The following PLCXD1 variants were observed in gnomAD, a reference collection of about 807,000 sequenced individuals.
PLCXD1 encodes the protein PI-PLC X domain-containing protein 1.
A neutral mutation model predicts 37.8 loss-of-function variants in PLCXD1; 45 were observed. That is an observed-to-expected ratio of 1.19 (90% CI 0.94 to 1.53). The LOEUF (loss-of-function observed/expected upper bound fraction) is 1.53, where lower values mean the gene tolerates loss of function less well. Ranked by LOEUF, PLCXD1 falls within the 40% of genes most tolerant of loss-of-function variation. The pLI, the probability that PLCXD1 is intolerant of heterozygous loss-of-function variation, is 0.00. For missense variants in PLCXD1, 539 were observed against 454.7 expected (o/e 1.19, Z -1.69); for synonymous variants, 246 against 206.9 (o/e 1.19, Z -1.62).
At position 295,652 on chromosome X, in the gene PLCXD1, G is replaced by A. The variant is rs1487481545; in HGVS notation, c.733+2434G>A. 4.7e-5 allele frequency among the ~76,000 whole-genome samples: 7 copies of A among 149,912 alleles called. No homozygotes were observed. In the East Asian group the frequency reaches 1.4e-3, roughly 30 times the overall value. ...CCATTCTCCTGCCTCAGCCTCCTGA[G>A]TAGCTGGGACTACAGGCGCCCGCCA... is the stretch of plus-strand genomic sequence containing the variant. On this transcript the variant is annotated intron_variant, in intron 6 of 6. Coordinates refer to ENST00000381657, the MANE Select transcript of PLCXD1 (RefSeq NM_018390.4).
intron 6 of PLCXD1, among the ~76,000 whole-genome samples, chrX:293,674 G>A (rs866077648): frequency 1.4e-4 from 21 of 152,178 alleles, no homozygotes; most frequent in East Asian, 3.8e-4. Flanking sequence ...CCATCCACGC[G>A]GTGGAATATT....
Position 299,250 on chromosome X carries a change from C to T in PLCXD1, c.887C>T (p.Thr296Ile). The T allele has an allele frequency of 6.2e-7, 1 of 1,613,924 alleles. No individual in the cohort carries two copies. ...TGCCCGGGGCCGGGTTCACGGTGCA[C>T]CAACATCATCGCGGGGGACTTCATC... ...EQCPGPGSRC[T>I]NIIAGDFIGA... The change falls in exon 7 of 7, where the codon ACC becomes ATC. Residue 296 changes from threonine (T) to isoleucine (I), a missense_variant. Transcript: ENST00000381657.
chrX:279,913 G>A (rs1436550459), upstream of PLCXD1, among the ~76,000 whole-genome samples: 2 of 152,016 alleles, frequency 1.3e-5, no homozygotes, highest in Non-Finnish European at 2.9e-5. Context: ...GCAATGGCGC[G>A]ATCTCGGCTC....
In PLCXD1 at chrX:282,401, AC is replaced by A. The variant is rs1425217007; in HGVS notation, c.-22+718del. On this transcript the variant is annotated intron_variant, in intron 1 of 6. Transcript: ENST00000381657. ...CTGTCTTTAAAAAAAACAAAACAAAACAAAAAAAAAACCGTACATACAGCTG... is the reference window on the plus strand; with the variant it reads ...CTGTCTTTAAAAAAAACAAAACAAAAAAAAAAAAAACCGTACATACAGCTG... Among the ~76,000 whole-genome samples, 28 of 103,510 alleles carry A rather than the reference AC, an allele frequency of 2.7e-4. 1 individual carries two copies. The highest frequency in any genetic ancestry group is 1.6e-3 in the South Asian group (6 of 3,778). The allele number at this position is 103,510 out of a possible 152,430, so 67.9% of individuals were successfully genotyped here.
intron 6 of PLCXD1, among the ~76,000 whole-genome samples, chrX:295,578 G>T (rs2069778870): frequency 6.6e-6 from 1 of 151,144 alleles, no homozygotes; most frequent in East Asian, 2.0e-4. Flanking sequence ...CGGTCGGAGT[G>T]CAGTGGCGCG....
At position 300,699 on chromosome X, in the gene PLCXD1, T is replaced by C. The variant is rs1259213276; in HGVS notation, c.*1364T>C. The C allele has an allele frequency of 1.3e-5, 2 of 152,034 alleles. No individual in the cohort carries two copies. The highest frequency in any genetic ancestry group is 4.8e-5 in the African/African-American group (2 of 41,390). The allele number at this position is 152,034 out of a possible 1,614,324, so 9.4% of individuals were successfully genotyped here. ...ATACGTGCGTGTGTATGTGTATATATATATATGTGTATATATATATTTTTT... is the reference window on the plus strand; with the variant it reads ...ATACGTGCGTGTGTATGTGTATATACATATATGTGTATATATATATTTTTT... On this transcript the variant is annotated 3_prime_UTR_variant, in exon 7 of 7. Coordinates refer to ENST00000381657, the MANE Select transcript of PLCXD1 (RefSeq NM_018390.4).
In PLCXD1 at chrX:282,805, C is replaced by T. The variant is rs183118519; in HGVS notation, c.-22+1121C>T. On this transcript the variant is annotated intron_variant, in intron 1 of 6. Transcript: ENST00000381657. ...AATGTCCTTATGGAAAGGGTCACTTCCCTTATTTTCAACAGTATATTATAT... is the reference window on the plus strand; with the variant it reads ...AATGTCCTTATGGAAAGGGTCACTTTCCTTATTTTCAACAGTATATTATAT... Among the ~76,000 whole-genome samples the T allele has an allele frequency of 3.0e-3, 448 of 147,682 alleles. 2 individuals are homozygous for T. Among genetic ancestry groups the T allele is most frequent in the African/African-American group, 0.01 (416 of 40,406 alleles).
chrX:284,647 CAT>C (rs1296462515), intron 2 of PLCXD1, among the ~76,000 whole-genome samples: 2 of 127,012 alleles, frequency 1.6e-5, no homozygotes, highest in African/African-American at 2.6e-5. Context: ...TGCACACACA[CAT>C]GCACATCTGC....
chrX:277,034 G>A, upstream of PLCXD1, among the ~76,000 whole-genome samples: 1 of 152,304 alleles, frequency 6.6e-6, no homozygotes, highest in Non-Finnish European at 1.5e-5. Flanking sequence ...GGCCAGGGTG[G>A]AGAGGACCTC....
rs1332007515 is a variant in PLCXD1, at chrX:299,355, G to C, written c.*20G>C. 6.4e-7 allele frequency: 1 copy of C among 1,551,722 alleles called. No individual in the cohort carries two copies. The highest frequency in any genetic ancestry group is 8.9e-7 in the Non-Finnish European group (1 of 1,123,726). Reference sequence around the variant, plus strand: ...TGCTGACGGGACCCTTCTGAAGTTCGGGACGCGGCGGCTGCAGTTTCACCC... The same window carrying C: ...TGCTGACGGGACCCTTCTGAAGTTCCGGACGCGGCGGCTGCAGTTTCACCC... On this transcript the variant is annotated 3_prime_UTR_variant, in exon 7 of 7. Coordinates refer to ENST00000381657, the MANE Select transcript of PLCXD1 (RefSeq NM_018390.4).
In PLCXD1 at chrX:284,043, A is replaced by G. The variant is rs745334759; in HGVS notation, c.-21-124A>G. 1.5e-5 allele frequency: 11 copies of G among 743,546 alleles called. No homozygotes were observed. The Admixed American group carries it at 1.8e-4, about 12-fold the overall frequency. 46.1% of individuals were successfully genotyped at this position (743,546 alleles called of 1,614,324 possible). On this transcript the variant is annotated intron_variant, in intron 1 of 6. Transcript: ENST00000381657. ...ATGACAGGTGCCACAGGTGCCCACC[A>G]CCACGCCCAGCTAATTTTTGTATTT... is the stretch of plus-strand genomic sequence containing the variant.
chrX:285,573 A>G (rs954456112), intron 2 of PLCXD1, among the ~76,000 whole-genome samples: 2 of 151,812 alleles, frequency 1.3e-5, no homozygotes, highest in African/African-American at 4.8e-5. Flanking sequence ...ATTTGCACCT[A>G]TTCACATAGA....
In PLCXD1 at chrX:288,649, C is replaced by T. The variant is rs1463473012; in HGVS notation, c.128-84C>T. The T allele has an allele frequency of 1.5e-5, 22 of 1,445,768 alleles. 1 individual carries two copies. Among genetic ancestry groups the T allele is most frequent in the Non-Finnish European group, 1.7e-5 (18 of 1,029,026 alleles). The allele number at this position is 1,445,768 out of a possible 1,614,324, so 89.6% of individuals were successfully genotyped here. A position where few individuals can be genotyped will look rare whatever the true frequency, so the allele number is the denominator to read the frequency against. ...TGCTGTGGGCGGGCAGCAGCCTGTG[C>T]TGTAGGCGGGCTGTGGAGCGACTCA... is the stretch of plus-strand genomic sequence containing the variant. On this transcript the variant is annotated intron_variant, in intron 2 of 6. Coordinates refer to ENST00000381657, the MANE Select transcript of PLCXD1 (RefSeq NM_018390.4).
At chrX:281,999 C>T (rs1201133559) in intron 1 of PLCXD1, among the ~76,000 whole-genome samples, 1 of 152,102 alleles carries the variant, frequency 6.6e-6, no homozygotes, top group Non-Finnish European at 1.5e-5. Flanking sequence ...CCACCCACCT[C>T]AGCCTCCCAA....
chrX:293,183 G>A lies in PLCXD1; in HGVS notation c.698G>A (p.Arg233Gln), dbSNP rs1433643273. ...AGGGTGAAGACCGAGGCCCTCATCC[G>A]ATACCTGGAGACCATGAAGAGCTGC... ...GNRVKTEALI[R>Q]YLETMKSCGR... Residue 233 changes from arginine to glutamine, a missense_variant, in exon 6 of 7, where the codon CGA becomes CAA. By Grantham distance (43) the Arg-to-Gln change is conservative. Coordinates refer to ENST00000381657, the MANE Select transcript of PLCXD1 (RefSeq NM_018390.4). 4.3e-6 allele frequency: 7 copies of A among 1,612,540 alleles called. No individual in the cohort carries two copies. The highest frequency in any genetic ancestry group is 1.3e-5 in the African/African-American group (1 of 75,018).
chrX:278,367 C>G (rs756670023), upstream of PLCXD1, among the ~76,000 whole-genome samples: 354 of 152,196 alleles, frequency 2.3e-3, no homozygotes, highest in African/African-American at 7.9e-3. Context: ...TTGGGTCCAG[C>G]CTGTCCTAGG....
At chrX:281,985 T>C (rs2069288782) in intron 1 of PLCXD1, among the ~76,000 whole-genome samples, 1 of 151,922 alleles carries the variant, frequency 6.6e-6, no homozygotes, top group Non-Finnish European at 1.5e-5. Flanking sequence ...TGACCTCAGG[T>C]GATCCACCCA....
chrX:291,459 T>C (rs2069630753), intron 4 of PLCXD1, 40 bp from the exon 5 acceptor site: 3 of 1,608,350 alleles, frequency 1.9e-6, no homozygotes, highest in Non-Finnish European at 1.7e-6. Flanking sequence ...CCTGTGGTGT[T>C]GGAGTCGTGC....
chrX:288,263 T>C (rs955251902), intron 2 of PLCXD1, among the ~76,000 whole-genome samples: 2 of 152,000 alleles, frequency 1.3e-5, no homozygotes, highest in Admixed American at 6.6e-5. Context: ...ACAGCTCTTT[T>C]GGGGATCACC....
Sources: gnomAD v4.1 joint callset for allele counts (sites outside exome capture counted in the v4.1 genomes callset) on GRCh38, gnomAD v4.1.1 for gene constraint, MANE v1.5 for transcripts, NCBI Gene and HGNC (gene_info 2026-07-23, HGNC 2026-07-21) for gene names.